The following HOXC5 variants were observed in gnomAD, a reference collection of about 807,000 sequenced individuals.
The protein encoded by HOXC5 is homeobox C5.
A neutral mutation model predicts 20.1 loss-of-function variants in HOXC5; 19 were observed. The observed-to-expected ratio is 0.94, with a 90% CI of 0.66 to 1.38. HOXC5 has a LOEUF of 1.38. Among genes scored for constraint, HOXC5 ranks in the 40% most tolerant of loss-of-function variants. The pLI, the probability that HOXC5 is intolerant of heterozygous loss-of-function variation, is 0.00. For missense variants in HOXC5, 330 were observed against 300.1 expected, an observed-to-expected ratio of 1.10 and a Z score of -0.74; for synonymous variants, 124 against 117.0, an observed-to-expected ratio of 1.06 and a Z score of -0.39.
At chr12:54,031,729 C>T (rs997583629), upstream of HOXC5, among the ~76,000 whole-genome samples, 18 of 152,142 alleles carry the variant, frequency 1.2e-4, no homozygotes, top group Non-Finnish European at 2.6e-4. Context: ...GAGGAGGGGG[C>T]CTTCTCCTGG....
the HOXC5 span, among the ~76,000 whole-genome samples, chr12:54,027,206 A>G: frequency 1.3e-5 from 2 of 152,084 alleles, no homozygotes; most frequent in African/African-American, 4.8e-5. Context: ...AAGATGGGGG[A>G]ATAAAATGGG....
the HOXC5 span, among the ~76,000 whole-genome samples, chr12:54,018,710 C>G: frequency 8.6e-5 from 13 of 151,916 alleles, no homozygotes; most frequent in Non-Finnish European, 1.9e-4. Flanking sequence ...TGTTTATAAA[C>G]GGCGACGCAC....
chr12:54,017,978 G>T, the HOXC5 span, among the ~76,000 whole-genome samples: 4 of 152,198 alleles, frequency 2.6e-5, no homozygotes, highest in Non-Finnish European at 5.9e-5. Context: ...CCGGGCCGCC[G>T]AGCAGGAAGC....
the HOXC5 span, chr12:54,021,333 G>C: frequency 1.3e-5 from 2 of 152,302 alleles, no homozygotes; most frequent in Admixed American, 1.3e-4. Flanking sequence ...TCTGAGCCAG[G>C]ACAAGACCTG....
upstream of HOXC5, chr12:54,028,458 G>A: frequency 6.5e-7 from 1 of 1,541,324 alleles, no homozygotes; most frequent in Admixed American, 1.8e-5. Context: ...CTAGTTCCGA[G>A]TACAAACTGG....
At chr12:54,024,056 C>A in the HOXC5 span, among the ~76,000 whole-genome samples, 4 of 152,322 alleles carry the variant, frequency 2.6e-5, no homozygotes, top group East Asian at 7.7e-4. Context: ...ATAGACCAAT[C>A]GGGCCAACTG....
chr12:54,020,405 A>G, the HOXC5 span: 1 of 152,190 alleles, frequency 6.6e-6, no homozygotes, highest in Non-Finnish European at 1.5e-5. Flanking sequence ...GTTCCTAGCT[A>G]AGGAGAATTG....
At chr12:54,031,389 G>A (rs1260562167), upstream of HOXC5, among the ~76,000 whole-genome samples, 3 of 152,186 alleles carry the variant, frequency 2.0e-5, no homozygotes, top group Admixed American at 2.0e-4. Flanking sequence ...AGGACATCTC[G>A]AGAGAGAAAG....
intron 1 of HOXC5, 79 bp downstream of exon 1, chr12:54,033,655 A>C: frequency 8.1e-7 from 1 of 1,238,662 alleles, no homozygotes; most frequent in South Asian, 1.6e-5. Context: ...AAGAAAAAAA[A>C]CCTGCGGCCA....
chr12:54,026,945 C>CG, the HOXC5 span, among the ~76,000 whole-genome samples: 22 of 138,616 alleles, frequency 1.6e-4, no homozygotes, highest in African/African-American at 6.1e-4. Flanking sequence ...TTCCCCCCCC[C>CG]CAACCCACCC....
At chr12:54,026,950 C>T in the HOXC5 span, among the ~76,000 whole-genome samples, 1 of 131,074 alleles carries the variant, frequency 7.6e-6, no homozygotes, top group Non-Finnish European at 1.6e-5. Context: ...CCCCCCCAAC[C>T]CACCCAAAAA....
the HOXC5 span, chr12:54,021,718 G>A: frequency 4.3e-4 from 65 of 152,376 alleles, no homozygotes; most frequent in African/African-American, 1.5e-3. Flanking sequence ...CAGGCACTGG[G>A]GTGACATTAC....
At chr12:54,029,987 T>C, upstream of HOXC5, 4 of 1,487,066 alleles carry the variant, frequency 2.7e-6, no homozygotes, top group Admixed American at 2.5e-5. Context: ...GCCACCCCTC[T>C]CTCCCTTTCT....
chr12:54,033,159 A>T lies in HOXC5; in HGVS notation c.37A>T (p.Ser13Cys). 1 of 1,613,814 alleles carries T rather than the reference A, an allele frequency of 6.2e-7. No individual in the cohort carries two copies. The highest frequency in any genetic ancestry group is 8.5e-7 in the Non-Finnish European group (1 of 1,179,728). The stretch of plus-strand genomic sequence containing the variant: ...CGTAGCCAATTCATTCTATAAGCAG[A>T]GCCCCAATATCCCTGCCTATAACAT... The part of the protein sequence containing the change: ...SYVANSFYKQ[S>C]PNIPAYNMQT... Residue 13 changes from serine to cysteine, a missense_variant, in exon 1 of 2, where the codon AGC becomes TGC. Coordinates refer to ENST00000312492, the MANE Select transcript of HOXC5 (RefSeq NM_018953.4).
At chr12:54,029,739 T>C (rs372813456), upstream of HOXC5, 1 of 1,614,142 alleles carries the variant, frequency 6.2e-7, no homozygotes, top group South Asian at 1.1e-5. Flanking sequence ...GAATTTCACT[T>C]CAATCGCTAC....
upstream of HOXC5, chr12:54,028,589 A>G (rs1332076160): frequency 8.1e-6 from 13 of 1,613,778 alleles, no homozygotes; most frequent in African/African-American, 1.3e-5. Flanking sequence ...GTCCTCCCCA[A>G]CGTCGCCCTC....
At chr12:54,018,665 C>T in the HOXC5 span, among the ~76,000 whole-genome samples, 1 of 152,184 alleles carries the variant, frequency 6.6e-6, no homozygotes, top group Admixed American at 6.5e-5. Context: ...GGCCTGGGTC[C>T]GAGGCTCCGA....
upstream of HOXC5, among the ~76,000 whole-genome samples, chr12:54,031,217 G>A (rs967655596): frequency 2.6e-5 from 4 of 152,208 alleles, no homozygotes; most frequent in Non-Finnish European, 4.4e-5. Flanking sequence ...AGGCACCAGG[G>A]TCTCCTCCAC....
upstream of HOXC5, chr12:54,029,005 GT>G (rs1565741643): frequency 3.0e-6 from 4 of 1,317,398 alleles, no homozygotes; most frequent in Admixed American, 2.3e-5. Context: ...GGCGGAGAGA[GT>G]TTTTTATGGC....
Sources: gnomAD v4.1 joint callset for allele counts (sites outside exome capture counted in the v4.1 genomes callset) on GRCh38, gnomAD v4.1.1 for gene constraint, MANE v1.5 for transcripts, NCBI Gene and HGNC (gene_info 2026-07-23, HGNC 2026-07-21) for gene names.